Variants in PAX2 observed in about 807,000 individuals in gnomAD.
PAX2 encodes the protein paired box 2.
In PAX2, 9 loss-of-function variants were observed where a neutral mutation model predicts 41.7. The observed-to-expected ratio is 0.22, with a 90% confidence interval of 0.13 to 0.38. The LOEUF is 0.38. Ranked by LOEUF, PAX2 falls within the 10% of genes least tolerant of loss-of-function variation. The probability of loss-of-function intolerance (pLI) is 1.00; values close to 1 mark genes in which losing one functional copy is unlikely to be tolerated. For missense variants in PAX2, 418 were observed against 531.6 expected, an observed-to-expected ratio of 0.79 and a Z score of 2.10; for synonymous variants, 221 against 212.7, an observed-to-expected ratio of 1.04 and a Z score of -0.34.
chr10:100,757,215 C>T (rs1035764348), intron 3 of PAX2, among the ~76,000 whole-genome samples: 3 of 152,036 alleles, frequency 2.0e-5, no homozygotes, highest in Non-Finnish European at 4.4e-5. Flanking sequence ...GCCCTGAGGC[C>T]AAGAGGAGAA....
chr10:100,814,351 C>CA (rs11458573), intron 7 of PAX2, among the ~76,000 whole-genome samples: 4,459 of 53,688 alleles, frequency 0.083, 837 homozygotes, highest in African/African-American at 0.22. Context: ...GACTCCATCT[C>CA]AAAAAAAAAA....
rs1845376156 is a variant in PAX2 at position 100,750,042 on chromosome 10, T to C, written c.212+128T>C. On this transcript the variant is annotated intron_variant, in intron 2 of 9. Transcript: ENST00000355243. The surrounding 1 kb of genome is among the most constrained non-coding windows in gnomAD (Gnocchi z 4.1). ...AGAGAGGGAGATCCCCAAAGGGGTC[T>C]GGAGAGGTGCTCCTTTTGGAGAGAG... The C allele has an allele frequency of 9.2e-7, 1 of 1,083,650 alleles. No homozygotes were observed. Among genetic ancestry groups the C allele is most frequent in the East Asian group, 2.6e-5 (1 of 38,482 alleles). 67.1% of individuals were successfully genotyped at this position (1,083,650 alleles called of 1,614,324 possible).
At chr10:100,746,367 C>T in intron 1 of PAX2, 64 bp downstream of exon 1, 2 of 1,159,210 alleles carry the variant, frequency 1.7e-6, no homozygotes, top group Non-Finnish European at 2.6e-6. Context: ...TGTCCAGTCC[C>T]AGCGTGGCCC....
In PAX2 at chr10:100,746,056, G is replaced by A; in HGVS notation, c.-205G>A. Reference sequence around the variant, plus strand: ...CCGACAGTGGCAAGTTGCGGCTACTGCAGTTGCAAGCTCCGGCCAACCCGG... The same window carrying A: ...CCGACAGTGGCAAGTTGCGGCTACTACAGTTGCAAGCTCCGGCCAACCCGG... On this transcript the variant is annotated 5_prime_UTR_variant, in exon 1 of 10. Transcript: ENST00000355243. 1 of 1,470,392 alleles carries A rather than the reference G, an allele frequency of 6.8e-7. No homozygotes were observed. The highest frequency in any genetic ancestry group is 8.9e-7 in the Non-Finnish European group (1 of 1,120,190). 91.1% of individuals were successfully genotyped at this position (1,470,392 alleles called of 1,614,324 possible).
chr10:100,814,075 G>A lies in PAX2; in HGVS notation c.919+4839G>A, dbSNP rs141556155. Among the ~76,000 whole-genome samples, 1,124 of 152,232 alleles carry A rather than the reference G, an allele frequency of 7.4e-3. 11 individuals are homozygous for A. Among genetic ancestry groups the A allele is most frequent in the African/African-American group, 0.025 (1,029 of 41,546 alleles). ...CTAAAAAAGATCAAAGGGGCCGGGC[G>A]CGGTGGCTCACGCCTGTAATCCCAG... On this transcript the variant is annotated intron_variant, in intron 7 of 9. Coordinates refer to ENST00000355243, the MANE Select transcript of PAX2 (RefSeq NM_000278.5).
intron 5 of PAX2, among the ~76,000 whole-genome samples, chr10:100,792,563 T>A (rs1002329596): frequency 6.6e-6 from 1 of 152,152 alleles, no homozygotes; most frequent in African/African-American, 2.4e-5. Flanking sequence ...GGTAGAACCA[T>A]CCAGAAGCAG....
chr10:100,812,184 G>C (rs529233825), intron 7 of PAX2, among the ~76,000 whole-genome samples: 1 of 152,374 alleles, frequency 6.6e-6, no homozygotes, highest in Admixed American at 6.5e-5. Context: ...CGAGGAGAGA[G>C]ACTGATTTTG....
At position 100,827,628 on chromosome 10, in the gene PAX2, G is replaced by A. The variant is rs1480945963; in HGVS notation, c.*9G>A. On this transcript the variant is annotated 3_prime_UTR_variant, in exon 10 of 10. Transcript: ENST00000355243. The surrounding 1 kb of genome is among the most constrained non-coding windows in gnomAD (Gnocchi z 8.5). ...CCTATGACCGCCACTAGTTACCGCG[G>A]GGACCACATCAAGCTTCAGGCCGAC... The A allele has an allele frequency of 6.2e-7, 1 of 1,613,882 alleles. No homozygotes were observed. Among genetic ancestry groups the A allele is most frequent in the African/African-American group, 1.3e-5 (1 of 74,914 alleles).
At chr10:100,822,277 G>T (rs1234069030) in intron 7 of PAX2, among the ~76,000 whole-genome samples, 3 of 152,092 alleles carry the variant, frequency 2.0e-5, no homozygotes, top group Non-Finnish European at 2.9e-5. Context: ...GTCCCTCACT[G>T]TAAACCTCTT....
chr10:100,792,768 G>A (rs1026486921), intron 5 of PAX2, among the ~76,000 whole-genome samples: 5 of 145,226 alleles, frequency 3.4e-5, no homozygotes, highest in African/African-American at 1.3e-4. Context: ...TATTGGTTCT[G>A]GTAATAGCGT....
In PAX2 at chr10:100,750,676, C is replaced by A; in HGVS notation, c.213-18C>A. ...CACAGTCCGCTTCTGGCTGACCCCGCCGGCTTTCCCGGCGCAGGTACTACG... is the reference window on the plus strand; with the variant it reads ...CACAGTCCGCTTCTGGCTGACCCCGACGGCTTTCCCGGCGCAGGTACTACG... On this transcript the variant is annotated intron_variant, in intron 2 of 9. Transcript: ENST00000355243. The surrounding 1 kb of genome is among the most constrained non-coding windows in gnomAD (Gnocchi z 4.1). 1 of 1,613,066 alleles carries A rather than the reference C, an allele frequency of 6.2e-7. No homozygotes were observed. Among genetic ancestry groups the A allele is most frequent in the Non-Finnish European group, 8.5e-7 (1 of 1,179,208 alleles).
chr10:100,742,625 C>A (rs538315582), upstream of PAX2, among the ~76,000 whole-genome samples: 5 of 152,080 alleles, frequency 3.3e-5, no homozygotes, highest in Non-Finnish European at 1.5e-5. Context: ...AGTTTATTTG[C>A]CTTTAAATTT....
chr10:100,811,681 G>T (rs1015747789), intron 7 of PAX2, among the ~76,000 whole-genome samples: 1 of 152,230 alleles, frequency 6.6e-6, no homozygotes, highest in African/African-American at 2.4e-5. Flanking sequence ...AATATTAAGG[G>T]CTTTGGTGGG....
chr10:100,786,827 C>G, intron 5 of PAX2: 2 of 548,344 alleles, frequency 3.6e-6, no homozygotes, highest in Non-Finnish European at 6.8e-6. Flanking sequence ...AGCTCAGAAC[C>G]CTTGTAGCCC....
At chr10:100,758,445 G>T (rs1845718334) in intron 3 of PAX2, among the ~76,000 whole-genome samples, 1 of 152,192 alleles carries the variant, frequency 6.6e-6, no homozygotes, top group African/African-American at 2.4e-5. Context: ...CGGCCGTCAG[G>T]TGCCATTCTA....
chr10:100,828,777 C>T lies in PAX2; in HGVS notation c.*1158C>T, dbSNP rs1848675456. On this transcript the variant is annotated 3_prime_UTR_variant, in exon 10 of 10. Coordinates refer to ENST00000355243, the MANE Select transcript of PAX2 (RefSeq NM_000278.5). This position sits in a 1 kb window ranked among gnomAD's most constrained non-coding sequence, Gnocchi z 6.5. ...TCCTCCGGCAGGAACTGAACAGAAC[C>T]ACAAAAAGTCTACATTTATTTAATA... The T allele has an allele frequency of 8.6e-6, 2 of 233,374 alleles. No individual in the cohort carries two copies. The highest frequency in any genetic ancestry group is 4.4e-5 in the African/African-American group (2 of 45,318). 14.5% of individuals were successfully genotyped at this position (233,374 alleles called of 1,614,324 possible).
chr10:100,761,696 A>G (rs886946404), intron 3 of PAX2, among the ~76,000 whole-genome samples: 10 of 152,078 alleles, frequency 6.6e-5, no homozygotes, highest in Non-Finnish European at 1.3e-4. Flanking sequence ...ATACAATGAG[A>G]TTTATTTCCA....
upstream of PAX2, among the ~76,000 whole-genome samples, chr10:100,742,587 G>T (rs574613247): frequency 6.6e-6 from 1 of 152,312 alleles, no homozygotes; most frequent in South Asian, 2.1e-4. Flanking sequence ...AGCAAATCCC[G>T]AGATGGGTAT....
At chr10:100,821,598 G>T (rs1848382086) in intron 7 of PAX2, among the ~76,000 whole-genome samples, 1 of 152,238 alleles carries the variant, frequency 6.6e-6, no homozygotes, top group Non-Finnish European at 1.5e-5. Context: ...TTGCAAGACA[G>T]AAAGGCAGTA....
Sources: allele counts gnomAD v4.1 joint callset (sites outside exome capture counted in the v4.1 genomes callset), GRCh38; gene constraint gnomAD v4.1.1; non-coding constraint Gnocchi (gnomAD v3.1); transcripts MANE v1.5; gene names NCBI Gene and HGNC (gene_info 2026-07-23, HGNC 2026-07-21).